Variants in MAPT observed in about 807,000 individuals in gnomAD.
MAPT encodes microtubule-associated protein tau.
Under a neutral mutation model 67.9 loss-of-function variants are expected in MAPT, and 34 were observed. The observed-to-expected ratio is 0.50, with a 90% CI of 0.38 to 0.67. The LOEUF (loss-of-function observed/expected upper bound fraction) is 0.67, where lower values mean the gene tolerates loss of function less well. MAPT is among the 30% of genes least tolerant of loss of function. MAPT has a pLI of 0.00. For missense variants in MAPT, 881 were observed against 1,115.2 expected (o/e 0.79, Z 2.99); for synonymous variants, 456 against 464.5 (o/e 0.98, Z 0.23).
At chr17:45,978,309 C>T in intron 3 of MAPT, 66 bp from the exon 4 acceptor site, 2 of 1,273,072 alleles carry the variant, frequency 1.6e-6, no homozygotes, top group South Asian at 1.2e-5. Flanking sequence ...GTACAGAGAG[C>T]TTGGTTTCTA....
chr17:45,959,589 C>T (rs2145256393), intron 1 of MAPT, among the ~76,000 whole-genome samples: 2 of 152,220 alleles, frequency 1.3e-5, no homozygotes, highest in Admixed American at 1.3e-4. Flanking sequence ...AGGCAGATCA[C>T]CTGAGGTCTG....
chr17:45,956,687 G>T (rs2069760825), intron 1 of MAPT, among the ~76,000 whole-genome samples: 1 of 151,128 alleles, frequency 6.6e-6, no homozygotes, highest in Non-Finnish European at 1.5e-5. Flanking sequence ...ATGTTGGTGT[G>T]CTGCACCCAT....
In MAPT at chr17:46,025,323, G is replaced by C. The variant is rs1052594; in HGVS notation, c.*1152G>C. ...CGGCCACTGCAGTCACCCCGTCTGC[G>C]CCGCTGTGCTGTTGTCTGCCGTGAG... On this transcript the variant is annotated 3_prime_UTR_variant, in exon 13 of 13. Coordinates refer to ENST00000262410, the MANE Select transcript of MAPT (RefSeq NM_001377265.1). 0.14 allele frequency: 21,877 copies of C among 152,746 alleles called. 2,135 individuals carry two copies. The highest frequency in any genetic ancestry group is 0.22 in the Non-Finnish European group (14,792 of 68,122). 9.5% of individuals were successfully genotyped at this position (152,746 alleles called of 1,614,324 possible).
At chr17:45,921,863 C>T (rs894477896) in intron 1 of MAPT, among the ~76,000 whole-genome samples, 12 of 152,068 alleles carry the variant, frequency 7.9e-5, no homozygotes, top group Non-Finnish European at 1.2e-4. Context: ...GACTGTTGTC[C>T]TCCTGGAAGG....
rs1568134259 is a variant in MAPT, at chr17:45,904,043, T to TA, written c.-18+9357_-18+9358insA. ...TATTATATATTTATATATTATATAT[T>TA]TATATATATTATATATTATATATTA... is the stretch of plus-strand genomic sequence containing the variant. On this transcript the variant is annotated intron_variant, in intron 1 of 12. Transcript: ENST00000262410. Among the ~76,000 whole-genome samples the TA allele has an allele frequency of 3.7e-3, 44 of 11,928 alleles. 1 individual carries two copies. The highest frequency in any genetic ancestry group is 6.4e-3 in the Non-Finnish European group (41 of 6,378). 7.8% of individuals were successfully genotyped at this position (11,928 alleles called of 152,430 possible).
rs1023734263 is a variant in MAPT at position 45,906,496 on chromosome 17, G to A, written c.-18+11810G>A. On this transcript the variant is annotated intron_variant, in intron 1 of 12. Coordinates refer to ENST00000262410, the MANE Select transcript of MAPT (RefSeq NM_001377265.1). The surrounding 1 kb of genome is among the most constrained non-coding windows in gnomAD (Gnocchi z 4.3). The stretch of plus-strand genomic sequence containing the variant: ...GGTGTCAAAGGCACGGGGCAGGCGC[G>A]TTAATTGAACTGCTTGCACCTGGCA... Among the ~76,000 whole-genome samples, 1 of 152,136 alleles carries A rather than the reference G, an allele frequency of 6.6e-6. No individual in the cohort carries two copies. The highest frequency in any genetic ancestry group is 1.9e-4 in the East Asian group (1 of 5,182).
At chr17:45,938,899 C>T (rs1033676668) in intron 1 of MAPT, among the ~76,000 whole-genome samples, 7 of 150,946 alleles carry the variant, frequency 4.6e-5, no homozygotes, top group Middle Eastern at 6.8e-3. Flanking sequence ...CAGCAACCTC[C>T]GCCTCCTGGG....
At chr17:45,931,985 G>A (rs2066884175) in intron 1 of MAPT, 1 of 152,048 alleles carries the variant, frequency 6.6e-6, no homozygotes, top group Non-Finnish European at 1.5e-5. Context: ...AGGAGGCTGA[G>A]ATAGGAGGAT....
rs887696028 is a variant in MAPT, at chr17:45,971,628, G to A, written c.134-231G>A. ...TTTGTCCTTTCACCCAGGAGCAAAC[G>A]CACATCACCTGTGTCCTCATCTGAT... is the stretch of plus-strand genomic sequence containing the variant. On this transcript the variant is annotated intron_variant, in intron 2 of 12. Transcript: ENST00000262410. The surrounding 1 kb of genome is among the most constrained non-coding windows in gnomAD (Gnocchi z 4.3). Among the ~76,000 whole-genome samples the A allele has an allele frequency of 6.6e-6, 1 of 152,174 alleles. No individual in the cohort carries two copies. The highest frequency in any genetic ancestry group is 1.5e-5 in the Non-Finnish European group (1 of 68,024).
Position 46,021,448 on chromosome 17 carries a change from C to T in MAPT, c.2287-2508C>T, listed in dbSNP as rs370112069. ...TCGGGGCACTTTAAAGATATCTGGG[C>T]CTGGCCCCATCCCCACAGTCTGACT... On this transcript the variant is annotated intron_variant, in intron 12 of 12. Coordinates refer to ENST00000262410, the MANE Select transcript of MAPT (RefSeq NM_001377265.1). Among the ~76,000 whole-genome samples the T allele has an allele frequency of 2.8e-4, 43 of 152,304 alleles. No homozygotes were observed. The East Asian group carries it at 7.7e-3, about 27-fold the overall frequency.
chr17:45,954,777 G>A (rs1160487764), intron 1 of MAPT, among the ~76,000 whole-genome samples: 1 of 152,118 alleles, frequency 6.6e-6, no homozygotes, highest in East Asian at 1.9e-4. Flanking sequence ...CCAGGAGATC[G>A]AGACCATCTT....
At chr17:46,019,820 T>C (rs1179008221) in intron 12 of MAPT, among the ~76,000 whole-genome samples, 1 of 151,826 alleles carries the variant, frequency 6.6e-6, no homozygotes, top group East Asian at 2.0e-4. Flanking sequence ...AAGACCAGCC[T>C]GGCCAACATG....
intron 9 of MAPT, among the ~76,000 whole-genome samples, chr17:45,998,338 C>A (rs975408730): frequency 6.6e-5 from 10 of 152,088 alleles, no homozygotes; most frequent in African/African-American, 2.4e-4. Context: ...AAAAGGGACG[C>A]ATGTGTAGAC....
chr17:46,023,304 C>CGG (rs2076643422), intron 12 of MAPT, among the ~76,000 whole-genome samples: 1 of 152,204 alleles, frequency 6.6e-6, no homozygotes. Context: ...TCACTAAAGG[C>CGG]GGGAGCAGCC....
chr17:45,948,678 TACTC>T (rs1183357743), intron 1 of MAPT, among the ~76,000 whole-genome samples: 11 of 152,214 alleles, frequency 7.2e-5, no homozygotes, highest in Admixed American at 7.2e-4. Flanking sequence ...TTGGGCAACT[TACTC>T]AACCTGTCTG....
At chr17:45,923,017 G>A (rs773604503) in intron 1 of MAPT, among the ~76,000 whole-genome samples, 6 of 152,160 alleles carry the variant, frequency 3.9e-5, no homozygotes, top group Admixed American at 6.5e-5. Flanking sequence ...TCTGCCACTC[G>A]TTAGCTGGGT....
intron 1 of MAPT, among the ~76,000 whole-genome samples, chr17:45,910,052 T>C (rs1015527661): frequency 1.3e-5 from 2 of 151,972 alleles, no homozygotes; most frequent in African/African-American, 4.8e-5. Context: ...TTCAAAAAAA[T>C]AATAAATCTG....
chr17:45,914,681 A>G (rs1377355697), intron 1 of MAPT, among the ~76,000 whole-genome samples: 3 of 151,616 alleles, frequency 2.0e-5, no homozygotes, highest in Non-Finnish European at 2.9e-5. Flanking sequence ...CCATTTCTCT[A>G]CTATTAATTT....
At chr17:45,959,342 C>T (rs560314340) in intron 1 of MAPT, among the ~76,000 whole-genome samples, 17 of 152,148 alleles carry the variant, frequency 1.1e-4, no homozygotes, top group Non-Finnish European at 1.3e-4. Flanking sequence ...CATCTATAAG[C>T]ACAAAAATTT....
Sources: allele counts gnomAD v4.1 joint callset (sites outside exome capture counted in the v4.1 genomes callset), GRCh38; gene constraint gnomAD v4.1.1; non-coding constraint Gnocchi (gnomAD v3.1); transcripts MANE v1.5; gene names NCBI Gene and HGNC (gene_info 2026-07-23, HGNC 2026-07-21).